The following ERC2 variants were observed in gnomAD, a reference collection of about 807,000 sequenced individuals.
ERC2 encodes ERC protein 2.
ERC2 carries 42 observed loss-of-function variants against 114.8 expected under a neutral mutation model. The observed-to-expected ratio is 0.37, with a 90% CI of 0.29 to 0.47. ERC2 has a LOEUF of 0.47. Among genes scored for constraint, ERC2 ranks in the 20% least tolerant of loss-of-function variants. The pLI, the probability that ERC2 is intolerant of heterozygous loss-of-function variation, is 0.99. For missense variants in ERC2, 939 were observed against 1,150.7 expected (o/e 0.82, Z 2.66); for synonymous variants, 454 against 425.5 (o/e 1.07, Z -0.82).
intron 14 of ERC2, among the ~76,000 whole-genome samples, chr3:55,815,204 T>G (rs2059864334): frequency 7.4e-6 from 1 of 135,820 alleles, no homozygotes; most frequent in South Asian, 2.3e-4. Context: ...CATTTAGAAA[T>G]GCACTGAGAC....
intron 3 of ERC2, among the ~76,000 whole-genome samples, chr3:56,269,510 T>A (rs1048383034): frequency 6.6e-5 from 10 of 152,014 alleles, no homozygotes; most frequent in Admixed American, 6.5e-4. Flanking sequence ...AGCTGAAATG[T>A]GAGAAAAGTG....
At chr3:55,837,985 C>T (rs1246695082) in intron 14 of ERC2, among the ~76,000 whole-genome samples, 1 of 150,930 alleles carries the variant, frequency 6.6e-6, no homozygotes, top group Non-Finnish European at 1.5e-5. Context: ...AAAAAAGAGT[C>T]CCTAGTAATA....
intron 6 of ERC2, among the ~76,000 whole-genome samples, chr3:56,096,341 C>T (rs1049640452): frequency 2.0e-5 from 3 of 152,184 alleles, no homozygotes; most frequent in African/African-American, 7.2e-5. Flanking sequence ...TTCATGAGGC[C>T]CCTCAGCATT....
At chr3:56,091,950 C>T (rs1009161800) in intron 6 of ERC2, among the ~76,000 whole-genome samples, 6 of 147,964 alleles carry the variant, frequency 4.1e-5, no homozygotes, top group Non-Finnish European at 5.9e-5. Context: ...CAAAAATTTA[C>T]ACACTTGACA....
intron 4 of ERC2, among the ~76,000 whole-genome samples, chr3:56,156,069 T>C (rs9823389): frequency 0.91 from 139,019 of 152,148 alleles, 63,964 homozygotes; most frequent in East Asian, 1. Context: ...TAAAACCAGA[T>C]GCCGAAATGA....
chr3:55,995,519 A>C (rs2149532558), intron 10 of ERC2, among the ~76,000 whole-genome samples: 1 of 152,182 alleles, frequency 6.6e-6, no homozygotes, highest in East Asian at 1.9e-4. Context: ...AATGTTTTTA[A>C]ATCAACAGAA....
At chr3:56,440,266 G>A (rs368862760) in intron 1 of ERC2, among the ~76,000 whole-genome samples, 12 of 152,178 alleles carry the variant, frequency 7.9e-5, no homozygotes, top group African/African-American at 2.2e-4. Flanking sequence ...GAATGCGGCC[G>A]GGCGAGGTGG....
At chr3:55,547,332 C>G (rs539115354) in intron 17 of ERC2, among the ~76,000 whole-genome samples, 18 of 152,348 alleles carry the variant, frequency 1.2e-4, no homozygotes, top group African/African-American at 4.1e-4. Flanking sequence ...TAGGGCCCAG[C>G]GGGCCATGTT....
At chr3:56,192,733 A>G (rs2047867993) in intron 3 of ERC2, among the ~76,000 whole-genome samples, 1 of 152,142 alleles carries the variant, frequency 6.6e-6, no homozygotes, top group Non-Finnish European at 1.5e-5. Context: ...ATTGTCTTCA[A>G]TGAGAGGGGC....
At chr3:56,259,297 A>G (rs2052748592) in intron 3 of ERC2, among the ~76,000 whole-genome samples, 1 of 152,082 alleles carries the variant, frequency 6.6e-6, no homozygotes, top group Non-Finnish European at 1.5e-5. Flanking sequence ...TTCTTTATAA[A>G]TCATGATCAT....
At chr3:56,175,132 G>T (rs2082906012) in intron 3 of ERC2, among the ~76,000 whole-genome samples, 1 of 152,190 alleles carries the variant, frequency 6.6e-6, no homozygotes, top group Non-Finnish European at 1.5e-5. Context: ...AGTGGCCCAA[G>T]AAATCTTACA....
At chr3:56,282,347 T>C (rs1009269134) in intron 3 of ERC2, among the ~76,000 whole-genome samples, 2 of 151,962 alleles carry the variant, frequency 1.3e-5, no homozygotes, top group African/African-American at 2.4e-5. Context: ...AGAGAAAGAA[T>C]AAGATTTTAA....
At chr3:55,908,010 G>A (rs973510226) in intron 13 of ERC2, among the ~76,000 whole-genome samples, 1 of 152,098 alleles carries the variant, frequency 6.6e-6, no homozygotes, top group Non-Finnish European at 1.5e-5. Flanking sequence ...CACAGGGAGA[G>A]GAGGCTTCCC....
chr3:55,910,074 G>A (rs1160985158), intron 13 of ERC2, among the ~76,000 whole-genome samples: 59 of 151,956 alleles, frequency 3.9e-4, no homozygotes. Flanking sequence ...TAGTCTATAA[G>A]ATAAAGGTAA....
intron 17 of ERC2, among the ~76,000 whole-genome samples, chr3:55,573,517 T>C (rs1370494432): frequency 1.3e-5 from 2 of 152,116 alleles, no homozygotes; most frequent in African/African-American, 4.8e-5. Context: ...CAAGAGGCAA[T>C]GTCACAGCTA....
rs1000065478 is a variant in ERC2 at position 55,997,753 on chromosome 3, T to C, written c.2062-5503A>G. 1.4e-4 allele frequency among the ~76,000 whole-genome samples: 21 copies of C among 150,632 alleles called. 1 individual carries two copies. The highest frequency in any genetic ancestry group is 1.4e-3 in the Admixed American group (21 of 15,122). Reference sequence around the variant, plus strand: ...AAATTACAATATCAAGGCAAAACTTTAGGTTCCTAATTTAGAAAATTAAAT... The same window carrying C: ...AAATTACAATATCAAGGCAAAACTTCAGGTTCCTAATTTAGAAAATTAAAT... On this transcript the variant is annotated intron_variant, in intron 10 of 17. Transcript: ENST00000288221.
chr3:56,296,993 T>A (rs2055488703), intron 2 of ERC2, among the ~76,000 whole-genome samples: 1 of 152,012 alleles, frequency 6.6e-6, no homozygotes, highest in African/African-American at 2.4e-5. Context: ...CAAAAGGGAA[T>A]AAATGCAGGC....
intron 4 of ERC2, among the ~76,000 whole-genome samples, chr3:56,164,575 C>T (rs536633840): frequency 3.6e-4 from 54 of 152,044 alleles, no homozygotes; most frequent in East Asian, 2.5e-3. Flanking sequence ...GTGTTTTGTG[C>T]GGACATATGT....
chr3:55,938,804 C>T (rs759957019), intron 13 of ERC2, among the ~76,000 whole-genome samples: 5 of 152,080 alleles, frequency 3.3e-5, no homozygotes, highest in Non-Finnish European at 5.9e-5. Flanking sequence ...GAGCCTAGAG[C>T]ACTATATTCC....
Sources: allele counts gnomAD v4.1 joint callset (sites outside exome capture counted in the v4.1 genomes callset), GRCh38; gene constraint gnomAD v4.1.1; transcripts MANE v1.5; gene names NCBI Gene and HGNC (gene_info 2026-07-23, HGNC 2026-07-21).